The following PRICKLE1 variants were observed in gnomAD, a reference collection of about 807,000 sequenced individuals.
The protein encoded by PRICKLE1 is prickle-like protein 1.
PRICKLE1 carries 14 observed loss-of-function variants against 70.2 expected under a neutral mutation model. That is an observed-to-expected ratio of 0.20 (90% CI 0.13 to 0.31). The LOEUF (loss-of-function observed/expected upper bound fraction) is 0.31, where lower values mean the gene tolerates loss of function less well. PRICKLE1 is among the 10% of genes least tolerant of loss of function. PRICKLE1 has a pLI of 1.00. For missense variants in PRICKLE1, 821 were observed against 1,026.2 expected (o/e 0.80, Z 2.73); for synonymous variants, 357 against 379.9 (o/e 0.94, Z 0.70).
intron 1 of PRICKLE1, among the ~76,000 whole-genome samples, chr12:42,480,404 C>T (rs138287044): frequency 6.6e-6 from 1 of 152,290 alleles, no homozygotes; most frequent in East Asian, 1.9e-4. Flanking sequence ...CTGGGCAATA[C>T]AGCAAGACCC....
intron 1 of PRICKLE1, among the ~76,000 whole-genome samples, chr12:42,549,924 C>A (rs558192117): frequency 6.6e-6 from 1 of 152,350 alleles, no homozygotes; most frequent in South Asian, 2.1e-4. Context: ...TGCACACACT[C>A]TTCCCTCTTT....
At position 42,465,264 on chromosome 12, in the gene PRICKLE1, T is replaced by C; in HGVS notation, c.776-6A>G. On this transcript the variant is annotated splice_region_variant and splice_polypyrimidine_tract_variant and intron_variant, in intron 6 of 7. Coordinates refer to ENST00000345127, the MANE Select transcript of PRICKLE1 (RefSeq NM_153026.3). The stretch of plus-strand genomic sequence containing the variant: ...CATCTGTGCATGGTCCACACCTGTT[T>C]TGAAAAGGATAGAATAAATAACAGG... 2 of 1,613,952 alleles carry C rather than the reference T, an allele frequency of 1.2e-6. No individual in the cohort carries two copies. The highest frequency in any genetic ancestry group is 1.7e-6 in the Non-Finnish European group (2 of 1,179,910).
intron 1 of PRICKLE1, among the ~76,000 whole-genome samples, chr12:42,558,301 A>T (rs1940447010): frequency 6.6e-6 from 1 of 152,256 alleles, no homozygotes; most frequent in South Asian, 2.1e-4. Context: ...AATGAATTTA[A>T]TAAACCTCCT....
At chr12:42,527,356 C>A (rs1022748794) in intron 1 of PRICKLE1, among the ~76,000 whole-genome samples, 12 of 152,186 alleles carry the variant, frequency 7.9e-5, no homozygotes, top group African/African-American at 2.9e-4. Context: ...TGGCCTTGAA[C>A]TCCTAACCTC....
Position 42,528,415 on chromosome 12 carries a change from T to G in PRICKLE1, c.-48-55851A>C, listed in dbSNP as rs184447880. On this transcript the variant is annotated intron_variant, in intron 1 of 7. Transcript: ENST00000345127. The stretch of plus-strand genomic sequence containing the variant: ...TATGGAAGTCTTACTGAAGCAAAAA[T>G]AAATATATAAATAAAATCGTGTTTA... Among the ~76,000 whole-genome samples the G allele has an allele frequency of 5.6e-3, 854 of 152,164 alleles. 4 individuals are homozygous for G. The highest frequency in any genetic ancestry group is 0.01 in the Non-Finnish European group (684 of 67,996).
At chr12:42,568,324 G>A (rs1028429541) in intron 1 of PRICKLE1, among the ~76,000 whole-genome samples, 2 of 152,144 alleles carry the variant, frequency 1.3e-5, no homozygotes, top group Non-Finnish European at 2.9e-5. Flanking sequence ...ACAGGTGCAT[G>A]CCACCACACC....
chr12:42,562,309 A>G (rs563119789), intron 1 of PRICKLE1, among the ~76,000 whole-genome samples: 1 of 152,322 alleles, frequency 6.6e-6, no homozygotes, highest in South Asian at 2.1e-4. Flanking sequence ...TACAAAAGGA[A>G]TGATTAGGAC....
chr12:42,505,879 A>G (rs1370269558), intron 1 of PRICKLE1, among the ~76,000 whole-genome samples: 2 of 152,218 alleles, frequency 1.3e-5, no homozygotes, highest in Non-Finnish European at 2.9e-5. Flanking sequence ...CTGAATTAGG[A>G]TCCAGAAATT....
At chr12:42,585,241 T>C (rs1940968560) in intron 1 of PRICKLE1, among the ~76,000 whole-genome samples, 1 of 152,196 alleles carries the variant, frequency 6.6e-6, no homozygotes, top group Admixed American at 6.5e-5. Context: ...CATTTTAAAA[T>C]GTTTACATTG....
chr12:42,526,744 C>A (rs1939805583), intron 1 of PRICKLE1, among the ~76,000 whole-genome samples: 1 of 112,630 alleles, frequency 8.9e-6, no homozygotes. Flanking sequence ...TAAAAACACT[C>A]CTCTAAGCCA....
intron 1 of PRICKLE1, among the ~76,000 whole-genome samples, chr12:42,506,318 G>A (rs1343889885): frequency 1.4e-5 from 2 of 145,098 alleles, no homozygotes; most frequent in South Asian, 2.2e-4. Flanking sequence ...GTGCAATGGC[G>A]TGATCTGGGT....
chr12:42,522,362 C>A (rs921274405), intron 1 of PRICKLE1, among the ~76,000 whole-genome samples: 8 of 152,154 alleles, frequency 5.3e-5, no homozygotes, highest in Admixed American at 3.9e-4. Flanking sequence ...TCAGTCTACT[C>A]AGTAGCTGGG....
intron 1 of PRICKLE1, among the ~76,000 whole-genome samples, chr12:42,499,878 C>G (rs954253990): frequency 1.3e-5 from 2 of 151,872 alleles, no homozygotes; most frequent in South Asian, 2.1e-4. Context: ...CAAGGGCCTG[C>G]CACCATGCCT....
At position 42,527,923 on chromosome 12, in the gene PRICKLE1, A is replaced by C. The variant is rs1206901696; in HGVS notation, c.-48-55359T>G. Reference sequence around the variant, plus strand: ...TTTATATATACTCTTTATAATATATATATATATATATATATATATATATAT... The same window carrying C: ...TTTATATATACTCTTTATAATATATCTATATATATATATATATATATATAT... On this transcript the variant is annotated intron_variant, in intron 1 of 7. Transcript: ENST00000345127. Among the ~76,000 whole-genome samples the C allele has an allele frequency of 8.4e-3, 34 of 4,070 alleles. 2 individuals carry two copies. Among genetic ancestry groups the C allele is most frequent in the South Asian group, 0.043 (4 of 94 alleles). 2.7% of individuals were successfully genotyped at this position (4,070 alleles called of 152,430 possible). A position where few individuals can be genotyped will look rare whatever the true frequency, so the allele number is the denominator to read the frequency against.
intron 7 of PRICKLE1, among the ~76,000 whole-genome samples, chr12:42,460,959 A>G (rs982862333): frequency 6.6e-6 from 1 of 152,102 alleles, no homozygotes; most frequent in African/African-American, 2.4e-5. Flanking sequence ...TCGGCACACC[A>G]CAATCTCCAC....
intron 1 of PRICKLE1, among the ~76,000 whole-genome samples, chr12:42,582,456 C>T (rs1922758): frequency 0.13 from 20,201 of 152,212 alleles, 1,717 homozygotes; most frequent in Non-Finnish European, 0.19. Flanking sequence ...TTCTCTAATG[C>T]GCTTCAGACC....
intron 1 of PRICKLE1, among the ~76,000 whole-genome samples, chr12:42,553,336 T>C (rs887575697): frequency 6.6e-6 from 1 of 151,468 alleles, no homozygotes; most frequent in Non-Finnish European, 1.5e-5. Context: ...CCCAGCTACT[T>C]GGGAGGCTGA....
chr12:42,547,827 C>T (rs945102610), intron 1 of PRICKLE1, among the ~76,000 whole-genome samples: 1 of 152,000 alleles, frequency 6.6e-6, no homozygotes, highest in Non-Finnish European at 1.5e-5. Flanking sequence ...GTTAAGTATC[C>T]TTTATCTGAA....
chr12:42,463,152 G>A (rs1333103553), intron 7 of PRICKLE1, among the ~76,000 whole-genome samples: 4 of 151,354 alleles, frequency 2.6e-5, no homozygotes, highest in Admixed American at 6.6e-5. Flanking sequence ...TTAGCTGGGC[G>A]TGGTGGCAGG....
Sources: gnomAD v4.1 joint callset for allele counts (sites outside exome capture counted in the v4.1 genomes callset) on GRCh38, gnomAD v4.1.1 for gene constraint, MANE v1.5 for transcripts, NCBI Gene and HGNC (gene_info 2026-07-23, HGNC 2026-07-21) for gene names.